Variants in EDA observed in about 807,000 individuals in gnomAD.
EDA encodes ectodysplasin-A.
EDA carries 2 observed loss-of-function variants against 23.6 expected under a neutral mutation model. That is an observed-to-expected ratio of 0.08 (90% confidence interval 0.03 to 0.27). The LOEUF (loss-of-function observed/expected upper bound fraction) is 0.27. Ranked by LOEUF, EDA falls within the 10% of genes least tolerant of loss-of-function variation. The pLI is 1.00. For synonymous variants in EDA, 131 were observed against 132.0 expected (o/e 0.99, Z 0.05); for missense variants, 229 against 324.2 (o/e 0.71, Z 2.26).
intron 2 of EDA, among the ~76,000 whole-genome samples, chrX:69,987,081 A>C (rs1455763656): frequency 1.3e-5 from 1 of 77,728 alleles, no homozygotes; most frequent in Admixed American, 1.5e-4. Flanking sequence ...CAATGAGATC[A>C]CATGGACACA....
At chrX:69,865,504 T>A (rs2017471489) in intron 1 of EDA, among the ~76,000 whole-genome samples, 2 of 111,358 alleles carry the variant, frequency 1.8e-5, no homozygotes, top group Admixed American at 1.9e-4. Context: ...TTTTCACATT[T>A]TCCTGCCTGC....
In EDA at chrX:69,891,824, C is replaced by T. The variant is rs368585806; in HGVS notation, c.397-65203C>T. Among the ~76,000 whole-genome samples the T allele has an allele frequency of 7.5e-4, 83 of 110,789 alleles. 1 individual carries two copies. The East Asian group carries it at 0.011, about 14-fold the overall frequency. On this transcript the variant is annotated intron_variant, in intron 1 of 7. Coordinates refer to ENST00000374552, the MANE Select transcript of EDA (RefSeq NM_001399.5). ...ATAATTAGTGATGCTGGGCTTCATA[C>T]CTGGGTGATGGGATGATCTGTGCAG...
At chrX:69,690,879 T>G (rs755591973) in intron 1 of EDA, among the ~76,000 whole-genome samples, 1 of 112,012 alleles carries the variant, frequency 8.9e-6, no homozygotes, top group Non-Finnish European at 1.9e-5. Flanking sequence ...TCTAGGTACT[T>G]TCCCATTTCA....
At chrX:69,689,069 C>T (rs1392023746) in intron 1 of EDA, among the ~76,000 whole-genome samples, 1 of 111,194 alleles carries the variant, frequency 9.0e-6, no homozygotes, top group African/African-American at 3.3e-5. Context: ...TAAACGTAAG[C>T]GTTTATTTCT....
At chrX:69,698,586 A>C (rs185377295) in intron 1 of EDA, among the ~76,000 whole-genome samples, 82 of 111,690 alleles carry the variant, frequency 7.3e-4, no homozygotes, top group Non-Finnish European at 1.3e-3. Context: ...AAGTTCGGCC[A>C]TACATGATTT....
At chrX:69,842,918 A>G (rs2016925050) in intron 1 of EDA, among the ~76,000 whole-genome samples, 1 of 111,859 alleles carries the variant, frequency 8.9e-6, no homozygotes, top group Non-Finnish European at 1.9e-5. Context: ...AGGCTTCCCC[A>G]GAAGCCAAGC....
chrX:69,623,668 CTTTTTTTTT>C (rs754360005), intron 1 of EDA, among the ~76,000 whole-genome samples: 8 of 96,674 alleles, frequency 8.3e-5, no homozygotes, highest in African/African-American at 3.0e-4. Flanking sequence ...TCTTTTTTTT[CTTTTTTTTT>C]TTTTGAGACA....
chrX:69,656,300 A>G (rs144187581), intron 1 of EDA, among the ~76,000 whole-genome samples: 367 of 111,474 alleles, frequency 3.3e-3, no homozygotes, highest in Non-Finnish European at 5.7e-3. Flanking sequence ...CCAGCACTCT[A>G]AGTCAGACCA....
At chrX:69,785,896 G>C (rs1484903580) in intron 1 of EDA, among the ~76,000 whole-genome samples, 2 of 109,898 alleles carry the variant, frequency 1.8e-5, no homozygotes, top group African/African-American at 3.3e-5. Context: ...ACCTCTGGTA[G>C]AATTCGGCTG....
intron 1 of EDA, among the ~76,000 whole-genome samples, chrX:69,929,891 G>A (rs925336887): frequency 5.5e-5 from 6 of 110,018 alleles, no homozygotes; most frequent in African/African-American, 2.0e-4. Context: ...CTAAGTTATG[G>A]CCACTTTTCT....
intron 2 of EDA, among the ~76,000 whole-genome samples, chrX:70,004,342 C>G (rs2019774312): frequency 9.0e-6 from 1 of 111,699 alleles, no homozygotes; most frequent in Admixed American, 9.5e-5. Flanking sequence ...CTAAGAAATA[C>G]TTGAGATTGG....
chrX:69,806,047 C>T (rs1303594408), intron 1 of EDA, among the ~76,000 whole-genome samples: 3 of 111,311 alleles, frequency 2.7e-5, no homozygotes, highest in Admixed American at 9.6e-5. Context: ...CATTATCCTC[C>T]GTATACAGAC....
At chrX:69,751,375 T>C (rs1404559813) in intron 1 of EDA, among the ~76,000 whole-genome samples, 1 of 112,335 alleles carries the variant, frequency 8.9e-6, no homozygotes, top group East Asian at 2.8e-4. Context: ...TTCTGTTCCA[T>C]TGGTCTATAT....
intron 1 of EDA, among the ~76,000 whole-genome samples, chrX:69,700,505 T>C (rs770046869): frequency 8.9e-6 from 1 of 111,797 alleles, no homozygotes; most frequent in East Asian, 2.8e-4. Flanking sequence ...CCTGAGGTCC[T>C]TGACTAAGTG....
intron 1 of EDA, among the ~76,000 whole-genome samples, chrX:69,772,684 C>T (rs2014672621): frequency 9.0e-6 from 1 of 110,510 alleles, no homozygotes; most frequent in South Asian, 3.9e-4. Context: ...GTCTTTATGT[C>T]CATGTGTACC....
At chrX:69,624,961 T>C (rs1433953049) in intron 1 of EDA, among the ~76,000 whole-genome samples, 2 of 111,313 alleles carry the variant, frequency 1.8e-5, no homozygotes, top group Non-Finnish European at 3.8e-5. Context: ...CATTTATATC[T>C]TGCCCCAATT....
At chrX:69,841,306 A>G (rs1461976243) in intron 1 of EDA, among the ~76,000 whole-genome samples, 1 of 111,758 alleles carries the variant, frequency 8.9e-6, no homozygotes, top group African/African-American at 3.3e-5. Context: ...TAGTGCTCCA[A>G]ATTTTTTCTT....
At chrX:69,651,959 T>C (rs1360194482) in intron 1 of EDA, among the ~76,000 whole-genome samples, 2 of 110,566 alleles carry the variant, frequency 1.8e-5, no homozygotes, top group Admixed American at 1.9e-4. Context: ...CCTCTGATGA[T>C]ACCCTTCTCA....
Position 69,957,387 on chromosome X carries a change from G to A in EDA, c.502+255G>A, listed in dbSNP as rs761596804. ...CCAGCTGCTTGGGAGACTAAGGCAG[G>A]AGAATCGCTTGAAACTGGGAGGTAG... On this transcript the variant is annotated intron_variant, in intron 2 of 7. Coordinates refer to ENST00000374552, the MANE Select transcript of EDA (RefSeq NM_001399.5). 1,448 of 311,085 alleles carry A rather than the reference G, an allele frequency of 4.7e-3. 6 individuals carry two copies. The highest frequency in any genetic ancestry group is 6.6e-3 in the Non-Finnish European group (1,167 of 176,561). The allele number at this position is 311,085 out of a possible 1,213,427, so 25.6% of individuals were successfully genotyped here.
Sources: allele counts gnomAD v4.1 joint callset (sites outside exome capture counted in the v4.1 genomes callset), GRCh38; gene constraint gnomAD v4.1.1; transcripts MANE v1.5; gene names NCBI Gene and HGNC (gene_info 2026-07-23, HGNC 2026-07-21).